Variants in PDE10A observed in about 807,000 individuals in gnomAD.
PDE10A encodes the protein cAMP and cAMP-inhibited cGMP 3',5'-cyclic phosphodiesterase 10A.
Under a neutral mutation model 97.7 loss-of-function variants are expected in PDE10A, and 39 were observed. The ratio of observed to expected loss-of-function variants is 0.40; its 90% CI spans 0.31 to 0.52. The LOEUF (loss-of-function observed/expected upper bound fraction) is 0.52. PDE10A is among the 20% of genes least tolerant of loss of function. PDE10A has a pLI of 0.56. For synonymous variants in PDE10A, 371 were observed against 376.8 expected, an observed-to-expected ratio of 0.98 and a Z score of 0.18; for missense variants, 731 against 1,047.8, an observed-to-expected ratio of 0.70 and a Z score of 4.17.
chr6:165,480,819 G>A (rs1480944519), intron 3 of PDE10A, among the ~76,000 whole-genome samples: 1 of 152,088 alleles, frequency 6.6e-6, no homozygotes, highest in Non-Finnish European at 1.5e-5. Context: ...ATTTCATAAG[G>A]AAACTCTGAG....
rs150214701 is a variant in PDE10A, at chr6:165,423,016, T to C, written c.1654-4239A>G. Among the ~76,000 whole-genome samples the C allele has an allele frequency of 2.3e-3, 345 of 152,278 alleles. 3 individuals carry two copies. The highest frequency in any genetic ancestry group is 8.0e-3 in the African/African-American group (334 of 41,554). On this transcript the variant is annotated intron_variant, in intron 10 of 21. Transcript: ENST00000539869. ...GTGATATGATATAAACACTGATTAT[T>C]TATTGATTTTGATATAAAACTTCAT...
rs544060923 is a variant in PDE10A at position 165,776,237 on chromosome 6, T to C, written c.-615+211292A>G. Among the ~76,000 whole-genome samples, 6 of 152,350 alleles carry C rather than the reference T, an allele frequency of 3.9e-5. No homozygotes were observed. In the South Asian group the frequency reaches 8.3e-4, roughly 21 times the overall value. On this transcript the variant is annotated intron_variant, in intron 1 of 19. Transcript: ENST00000366882. ...AGCTGTTCCTTATTAATTATGCATA[T>C]GTATAACACACATTTAAACTTTTCT...
intron 1 of PDE10A, among the ~76,000 whole-genome samples, chr6:165,658,360 G>A (rs200727445): frequency 6.6e-6 from 1 of 152,160 alleles, no homozygotes; most frequent in East Asian, 1.9e-4. Flanking sequence ...GCTATCCGCA[G>A]TCTGCATTCA....
chr6:165,472,791 T>C (rs767732945), intron 3 of PDE10A, among the ~76,000 whole-genome samples: 1 of 152,170 alleles, frequency 6.6e-6, no homozygotes, highest in African/African-American at 2.4e-5. Context: ...TACAGAAGTA[T>C]GTGTATTTGC....
chr6:165,937,153 G>T (rs1304028114), intron 1 of PDE10A, among the ~76,000 whole-genome samples: 1 of 152,194 alleles, frequency 6.6e-6, no homozygotes, highest in African/African-American at 2.4e-5. Context: ...CTTGAGGGCT[G>T]GAGGAAAGCC....
At chr6:165,822,080 C>T (rs1164331564) in intron 1 of PDE10A, among the ~76,000 whole-genome samples, 1 of 152,248 alleles carries the variant, frequency 6.6e-6, no homozygotes, top group Admixed American at 6.5e-5. Context: ...CTGTTAATCT[C>T]ACACCTACAA....
intron 13 of PDE10A, among the ~76,000 whole-genome samples, chr6:165,402,952 G>T (rs2128221546): frequency 6.6e-6 from 1 of 152,178 alleles, no homozygotes; most frequent in Admixed American, 6.5e-5. Context: ...TCACTTTAGG[G>T]TCGGGCAACT....
intron 2 of PDE10A, among the ~76,000 whole-genome samples, chr6:165,518,617 T>C (rs1009687118): frequency 2.0e-5 from 3 of 152,162 alleles, no homozygotes; most frequent in African/African-American, 7.2e-5. Flanking sequence ...GCAATTCAGA[T>C]ACACCAAGAG....
At chr6:165,362,756 C>G (rs934674614) in intron 18 of PDE10A, among the ~76,000 whole-genome samples, 4 of 151,974 alleles carry the variant, frequency 2.6e-5, no homozygotes, top group African/African-American at 9.7e-5. Context: ...AGACAAATAC[C>G]ACAAAAAAGA....
At chr6:165,944,065 G>A (rs1303723178) in intron 1 of PDE10A, among the ~76,000 whole-genome samples, 1 of 152,178 alleles carries the variant, frequency 6.6e-6, no homozygotes, top group Non-Finnish European at 1.5e-5. Flanking sequence ...CTCAATCATG[G>A]TGAAAGGGGA....
intron 1 of PDE10A, among the ~76,000 whole-genome samples, chr6:165,607,532 G>T (rs538945972): frequency 5.3e-5 from 8 of 152,226 alleles, no homozygotes; most frequent in Non-Finnish European, 7.4e-5. Flanking sequence ...TACCATCTAG[G>T]TTTGTTAAGT....
At chr6:165,482,860 T>C (rs1235514724) in intron 2 of PDE10A, among the ~76,000 whole-genome samples, 1 of 152,218 alleles carries the variant, frequency 6.6e-6, no homozygotes, top group Non-Finnish European at 1.5e-5. Flanking sequence ...GTTCCGTGTG[T>C]CTGAGGAGTT....
At chr6:165,476,179 C>G (rs1476088634) in intron 3 of PDE10A, among the ~76,000 whole-genome samples, 1 of 149,278 alleles carries the variant, frequency 6.7e-6, no homozygotes, top group South Asian at 2.1e-4. Flanking sequence ...AAAAAAAAAC[C>G]AAAAATATCC....
At chr6:165,706,252 T>A (rs1262395758) in intron 1 of PDE10A, among the ~76,000 whole-genome samples, 1 of 152,204 alleles carries the variant, frequency 6.6e-6, no homozygotes, top group East Asian at 1.9e-4. Flanking sequence ...TTGGTGTAGA[T>A]AAAATGTCCT....
At chr6:165,823,229 T>C (rs1767413108) in intron 1 of PDE10A, among the ~76,000 whole-genome samples, 1 of 150,532 alleles carries the variant, frequency 6.6e-6, no homozygotes, top group Non-Finnish European at 1.5e-5. Flanking sequence ...TCTTTCTTTG[T>C]ATTCTTATTC....
intron 1 of PDE10A, among the ~76,000 whole-genome samples, chr6:165,548,671 G>C (rs1208426058): frequency 1.3e-5 from 2 of 152,080 alleles, no homozygotes; most frequent in Non-Finnish European, 1.5e-5. Context: ...AGTGGCTCTT[G>C]AGTGACTAAT....
intron 18 of PDE10A, among the ~76,000 whole-genome samples, chr6:165,372,724 A>C (rs1188179351): frequency 8.0e-6 from 1 of 125,300 alleles, no homozygotes; most frequent in Non-Finnish European, 1.6e-5. Flanking sequence ...ATTGGAAAAA[A>C]ATACTTTAAA....
At chr6:165,371,548 T>C (rs1487415238) in intron 18 of PDE10A, among the ~76,000 whole-genome samples, 1 of 152,106 alleles carries the variant, frequency 6.6e-6, no homozygotes, top group Non-Finnish European at 1.5e-5. Context: ...AATCTCTGAA[T>C]AGACCAATAA....
At chr6:165,924,762 A>G (rs1313852729) in intron 1 of PDE10A, among the ~76,000 whole-genome samples, 2 of 152,236 alleles carry the variant, frequency 1.3e-5, no homozygotes, top group African/African-American at 4.8e-5. Context: ...ATGGAAATTA[A>G]CCCAAAATGG....
Sources: gnomAD v4.1 joint callset for allele counts (sites outside exome capture counted in the v4.1 genomes callset) on GRCh38, gnomAD v4.1.1 for gene constraint, MANE v1.5 for transcripts, NCBI Gene and HGNC (gene_info 2026-07-23, HGNC 2026-07-21) for gene names.